The following ADGRL3 variants were observed in gnomAD, a reference collection of about 807,000 sequenced individuals.
The protein encoded by ADGRL3 is adhesion G protein-coupled receptor L3.
In ADGRL3, 62 loss-of-function variants were observed where a neutral mutation model predicts 153.5. The observed-to-expected ratio is 0.40, with a 90% CI of 0.33 to 0.50. ADGRL3 has a LOEUF of 0.50. ADGRL3 is among the 20% of genes least tolerant of loss of function. The pLI is 0.47. For synonymous variants in ADGRL3, 710 were observed against 672.5 expected, an observed-to-expected ratio of 1.06 and a Z score of -0.86; for missense variants, 1,641 against 1,859.4, an observed-to-expected ratio of 0.88 and a Z score of 2.16.
At chr4:61,896,067 T>C (rs2098629656) in intron 11 of ADGRL3, among the ~76,000 whole-genome samples, 1 of 152,110 alleles carries the variant, frequency 6.6e-6, no homozygotes, top group South Asian at 2.1e-4. Context: ...ATTAATAAAA[T>C]TTCTCTGGTA....
intron 4 of ADGRL3, among the ~76,000 whole-genome samples, chr4:61,580,756 G>C (rs1183877007): frequency 2.0e-5 from 3 of 151,958 alleles, no homozygotes; most frequent in Non-Finnish European, 2.9e-5. Flanking sequence ...TTTGCTCCCT[G>C]GACCTTTCCA....
chr4:61,247,033 A>G (rs2149391846), intron 1 of ADGRL3, among the ~76,000 whole-genome samples: 1 of 152,208 alleles, frequency 6.6e-6, no homozygotes, highest in Non-Finnish European at 1.5e-5. Flanking sequence ...TAATATAACA[A>G]TGTGAGATTG....
intron 8 of ADGRL3, among the ~76,000 whole-genome samples, chr4:61,752,167 G>A (rs1203357345): frequency 1.3e-5 from 2 of 152,166 alleles, no homozygotes; most frequent in African/African-American, 4.8e-5. Flanking sequence ...TAGATTCTCA[G>A]CTTGGGCTCT....
intron 2 of ADGRL3, among the ~76,000 whole-genome samples, chr4:61,451,574 G>T (rs556316477): frequency 6.6e-6 from 1 of 152,196 alleles, no homozygotes; most frequent in East Asian, 1.9e-4. Flanking sequence ...GCAAAGAGAT[G>T]AGCAGTATTT....
In ADGRL3 at chr4:62,077,314, CA is replaced by C. The variant is rs1229032468; in HGVS notation, c.*6410del. ...GGTTACAAAAGATTTACAATTAGTCCAAAATCAGAGGATTTTAAATCTTAAA... is the reference window on the plus strand; with the variant it reads ...GGTTACAAAAGATTTACAATTAGTCCAAATCAGAGGATTTTAAATCTTAAA... On this transcript the variant is annotated 3_prime_UTR_variant, in exon 27 of 27. Coordinates refer to ENST00000683033, the MANE Select transcript of ADGRL3 (RefSeq NM_001387552.1). The C allele has an allele frequency of 6.6e-6, 1 of 151,864 alleles. No homozygotes were observed. The highest frequency in any genetic ancestry group is 1.5e-5 in the Non-Finnish European group (1 of 67,852). 9.4% of individuals were successfully genotyped at this position (151,864 alleles called of 1,614,324 possible). A position where few individuals can be genotyped will look rare whatever the true frequency, so the allele number is the denominator to read the frequency against.
chr4:61,758,871 C>A (rs1443196166), intron 8 of ADGRL3, among the ~76,000 whole-genome samples: 1 of 152,148 alleles, frequency 6.6e-6, no homozygotes, highest in East Asian at 1.9e-4. Flanking sequence ...GTAGGGCAGG[C>A]CTGGTGGTGA....
At chr4:61,353,600 A>ATT (rs34199193) in intron 1 of ADGRL3, among the ~76,000 whole-genome samples, 26,723 of 118,834 alleles carry the variant, frequency 0.22, 3,589 homozygotes, top group South Asian at 0.35. Flanking sequence ...TTTTCTTTCA[A>ATT]TTTTTTTTTT....
At chr4:61,692,837 A>T (rs2095565700) in intron 6 of ADGRL3, among the ~76,000 whole-genome samples, 1 of 152,128 alleles carries the variant, frequency 6.6e-6, no homozygotes, top group Non-Finnish European at 1.5e-5. Context: ...ACTTTGAAAA[A>T]TTCTATGATT....
intron 8 of ADGRL3, among the ~76,000 whole-genome samples, chr4:61,777,189 C>T (rs889970679): frequency 6.6e-6 from 1 of 151,944 alleles, no homozygotes; most frequent in African/African-American, 2.4e-5. Context: ...AAAAATTAGC[C>T]GGGCGTGGTG....
chr4:61,798,624 T>G (rs1182272951), intron 8 of ADGRL3, among the ~76,000 whole-genome samples: 2 of 151,786 alleles, frequency 1.3e-5, no homozygotes, highest in Non-Finnish European at 2.9e-5. Flanking sequence ...ATTTATTTAT[T>G]TATTTATTTT....
At chr4:61,816,551 A>T (rs780452820) in intron 9 of ADGRL3, among the ~76,000 whole-genome samples, 3 of 152,204 alleles carry the variant, frequency 2.0e-5, no homozygotes, top group Non-Finnish European at 2.9e-5. Context: ...TGAATATAAG[A>T]AGAGGAATTA....
intron 6 of ADGRL3, among the ~76,000 whole-genome samples, chr4:61,727,498 A>G (rs2096369428): frequency 6.6e-6 from 1 of 152,168 alleles, no homozygotes; most frequent in African/African-American, 2.4e-5. Context: ...CTAAAAAACA[A>G]GAGATCCTGA....
At chr4:62,054,729 C>T (rs1424872147) in intron 25 of ADGRL3, among the ~76,000 whole-genome samples, 2 of 151,380 alleles carry the variant, frequency 1.3e-5, no homozygotes, top group Non-Finnish European at 3.0e-5. Context: ...ATATAAAAAA[C>T]AAAATGCTAG....
intron 9 of ADGRL3, among the ~76,000 whole-genome samples, chr4:61,831,050 G>C (rs995671986): frequency 6.6e-6 from 1 of 151,740 alleles, no homozygotes; most frequent in Non-Finnish European, 1.5e-5. Context: ...CACCACACCC[G>C]GCTAATTTTT....
At chr4:61,277,711 A>G (rs76365690) in intron 1 of ADGRL3, among the ~76,000 whole-genome samples, 6,449 of 152,260 alleles carry the variant, frequency 0.042, 237 homozygotes, top group African/African-American at 0.092. Flanking sequence ...CATCTCTTTC[A>G]TTTATAAAAA....
chr4:61,403,941 T>A (rs2096961840), intron 2 of ADGRL3, among the ~76,000 whole-genome samples: 1 of 152,056 alleles, frequency 6.6e-6, no homozygotes, highest in Non-Finnish European at 1.5e-5. Context: ...CATTTTTCCT[T>A]ACAACCCTTA....
intron 1 of ADGRL3, chr4:61,211,630 G>A (rs1740055613): frequency 6.6e-6 from 1 of 152,180 alleles, no homozygotes; most frequent in African/African-American, 2.4e-5. Context: ...TTTCCTGTAA[G>A]AGGCCAGAGT....
In ADGRL3 at chr4:62,051,158, G is replaced by A. The variant is rs1024348731; in HGVS notation, c.3814+6609G>A. Among the ~76,000 whole-genome samples, 23 of 51,016 alleles carry A rather than the reference G, an allele frequency of 4.5e-4. No homozygotes were observed. In the South Asian group the frequency reaches 5.4e-3, roughly 12 times the overall value. 33.5% of individuals were successfully genotyped at this position (51,016 alleles called of 152,430 possible). ...GTATATATATATACACAAAGAACGT[G>A]TGTGTGTGTGTATATATATATATAT... On this transcript the variant is annotated intron_variant, in intron 25 of 26. Coordinates refer to ENST00000683033, the MANE Select transcript of ADGRL3 (RefSeq NM_001387552.1).
chr4:61,651,899 G>T (rs1197770524), intron 5 of ADGRL3, among the ~76,000 whole-genome samples: 1 of 151,506 alleles, frequency 6.6e-6, no homozygotes, highest in Non-Finnish European at 1.5e-5. Flanking sequence ...ACAGGAGGGA[G>T]CCACCGAACC....
Sources: allele counts gnomAD v4.1 joint callset (sites outside exome capture counted in the v4.1 genomes callset), GRCh38; gene constraint gnomAD v4.1.1; transcripts MANE v1.5; gene names NCBI Gene and HGNC (gene_info 2026-07-23, HGNC 2026-07-21).